Variants in NOTCH2 observed in about 807,000 individuals in gnomAD.
NOTCH2 encodes notch receptor 2, also known as neurogenic locus notch homolog protein 2.
NOTCH2 carries 29 observed loss-of-function variants against 235.8 expected under a neutral mutation model. That is an observed-to-expected ratio of 0.12 (90% CI 0.09 to 0.17). The LOEUF (loss-of-function observed/expected upper bound fraction) is 0.17, where lower values mean the gene tolerates loss of function less well. Among genes scored for constraint, NOTCH2 ranks in the 10% least tolerant of loss-of-function variants. The pLI is 1.00. For missense variants in NOTCH2, 2,285 were observed against 3,150.2 expected, an observed-to-expected ratio of 0.73 and a Z score of 6.57; for synonymous variants, 1,086 against 1,141.5, an observed-to-expected ratio of 0.95 and a Z score of 0.98.
intron 5 of NOTCH2, among the ~76,000 whole-genome samples, chr1:119,979,151 G>C (rs782630184): frequency 2.1e-4 from 32 of 152,272 alleles, no homozygotes; most frequent in South Asian, 1.4e-3. Flanking sequence ...GGACTGACCT[G>C]ACAATGAAGA....
At chr1:119,940,140 T>C (rs1373269929) in intron 19 of NOTCH2, among the ~76,000 whole-genome samples, 1 of 152,216 alleles carries the variant, frequency 6.6e-6, no homozygotes, top group Non-Finnish European at 1.5e-5. Flanking sequence ...GTTTTGAGAA[T>C]GTTACCACAT....
In NOTCH2 at chr1:120,069,472, T is replaced by C. The variant is rs1553218005; in HGVS notation, c.-66A>G. 1.3e-6 allele frequency: 2 copies of C among 1,500,922 alleles called. No homozygotes were observed. The highest frequency in any genetic ancestry group is 4.6e-5 in the Admixed American group (2 of 43,026). 93.0% of individuals were successfully genotyped at this position (1,500,922 alleles called of 1,614,324 possible). ...TGGGCAGATCCACATGGGGAGGGGG[T>C]CCCGATAGAGGAGCCCCACTCTCTC... On this transcript the variant is annotated 5_prime_UTR_variant, in exon 1 of 34. Coordinates refer to ENST00000256646, the MANE Select transcript of NOTCH2 (RefSeq NM_024408.4).
At chr1:120,037,175 C>T (rs587629797) in intron 1 of NOTCH2, among the ~76,000 whole-genome samples, 1 of 152,052 alleles carries the variant, frequency 6.6e-6, no homozygotes, top group African/African-American at 2.4e-5. Flanking sequence ...ACTGCTCAAT[C>T]GGAAGGTATT....
In NOTCH2 at chr1:119,917,618, G is replaced by T. The variant is rs375910689; in HGVS notation, c.6027+47C>A. The T allele has an allele frequency of 6.2e-4, 732 of 1,184,558 alleles. 16 individuals are homozygous for T. In the South Asian group the frequency reaches 8.6e-3, roughly 14 times the overall value. 73.4% of individuals were successfully genotyped at this position (1,184,558 alleles called of 1,614,324 possible). The stretch of plus-strand genomic sequence containing the variant: ...GAGAAACGGGAATGGGCTTATAACT[G>T]AGGCACTGCTATGAGCCTCCTCAAG... On this transcript the variant is annotated intron_variant, in intron 33 of 33. Transcript: ENST00000256646.
intron 23 of NOTCH2, among the ~76,000 whole-genome samples, chr1:119,927,506 T>C (rs915157227): frequency 2.7e-5 from 4 of 150,940 alleles, no homozygotes; most frequent in African/African-American, 9.9e-5. Context: ...ACAATAACTG[T>C]GCTCAATGTA....
chr1:119,965,877 G>C (rs1412018582), intron 9 of NOTCH2, among the ~76,000 whole-genome samples: 1 of 152,164 alleles, frequency 6.6e-6, no homozygotes, highest in Non-Finnish European at 1.5e-5. Context: ...CCTTCTCTCT[G>C]AAGATACAAT....
chr1:120,004,188 C>T (rs1652871174), intron 3 of NOTCH2, among the ~76,000 whole-genome samples: 3 of 151,812 alleles, frequency 2.0e-5, no homozygotes, highest in Middle Eastern at 3.4e-3. Context: ...ATAACATGGC[C>T]CTCAACTACA....
chr1:119,937,604 C>T (rs1649905728), intron 20 of NOTCH2, 138 bp from the exon 21 acceptor site: 3 of 856,136 alleles, frequency 3.5e-6, no homozygotes, highest in African/African-American at 1.7e-5. Flanking sequence ...ACCCTCAGTA[C>T]CAGATGCATA....
At position 119,937,942 on chromosome 1, in the gene NOTCH2, C is replaced by A; in HGVS notation, c.3252G>T (p.Glu1084Asp). ...ATCCAGATGGACATAGGCACTGGGA[C>A]TCTGCTTTTTTCTGAACGCAAGTAC... ...NKGTCVQKKAESQCLCPSGWA... is the reference protein window; with the variant it reads ...NKGTCVQKKADSQCLCPSGWA... The change falls in exon 20 of 34, where the codon GAG becomes GAT. Residue 1084 changes from glutamate to aspartate, a missense_variant. By Grantham distance (45) the Glu-to-Asp change is conservative (BLOSUM62 2). This residue lies in a region of NOTCH2 where 1,173 missense variants were observed against 1,515.3 expected (regional missense o/e 0.77). Coordinates refer to ENST00000256646, the MANE Select transcript of NOTCH2 (RefSeq NM_024408.4). 2 of 1,614,182 alleles carry A rather than the reference C, an allele frequency of 1.2e-6. No homozygotes were observed. Among genetic ancestry groups the A allele is most frequent in the South Asian group, 2.2e-5 (2 of 91,086 alleles).
chr1:119,999,691 G>A (rs1436473283), intron 3 of NOTCH2, among the ~76,000 whole-genome samples: 5 of 151,972 alleles, frequency 3.3e-5, no homozygotes, highest in Admixed American at 2.0e-4. Flanking sequence ...AGACCAGCCT[G>A]GCCAACATGG....
chr1:120,006,924 A>C (rs1553206373), intron 2 of NOTCH2, among the ~76,000 whole-genome samples: 1 of 152,204 alleles, frequency 6.6e-6, no homozygotes, highest in South Asian at 2.1e-4. Context: ...CTGAGAAAAG[A>C]AGGAAGGCCA....
At chr1:119,918,296 T>G in intron 32 of NOTCH2, 110 bp downstream of exon 32, 1 of 1,189,356 alleles carries the variant, frequency 8.4e-7, no homozygotes, top group Non-Finnish European at 1.2e-6. Flanking sequence ...TGAGTGAATC[T>G]CTCACGTATT....
chr1:120,045,845 C>A (rs1384059185), intron 1 of NOTCH2, among the ~76,000 whole-genome samples: 2 of 152,264 alleles, frequency 1.3e-5, no homozygotes, highest in Admixed American at 1.3e-4. Flanking sequence ...ACATTCTGGA[C>A]CAGTGGTCTG....
chr1:119,942,938 T>C (rs1650114266), intron 17 of NOTCH2, among the ~76,000 whole-genome samples: 2 of 148,718 alleles, frequency 1.3e-5, no homozygotes, highest in African/African-American at 2.5e-5. Context: ...AGTGGCACAA[T>C]CTTGGCTCAC....
intron 1 of NOTCH2, among the ~76,000 whole-genome samples, chr1:120,060,660 G>A (rs1553216052): frequency 6.6e-6 from 1 of 151,116 alleles, no homozygotes; most frequent in African/African-American, 2.4e-5. Flanking sequence ...AAAGGTGCCA[G>A]AGAAAATCAG....
At chr1:120,002,852 T>C (rs4262590) in intron 3 of NOTCH2, among the ~76,000 whole-genome samples, 23 of 148,930 alleles carry the variant, frequency 1.5e-4, no homozygotes, top group African/African-American at 4.9e-4. Flanking sequence ...TCCGGATGTA[T>C]GAAGAATAGT....
rs1649029247 is a variant in NOTCH2, at chr1:119,915,433, G to C, written c.7289C>G (p.Pro2430Arg). The C allele has an allele frequency of 6.2e-7, 1 of 1,614,046 alleles. No individual in the cohort carries two copies. The highest frequency in any genetic ancestry group is 1.3e-5 in the African/African-American group (1 of 74,928). The part of the protein sequence containing the change: ...ESPDQWSSSS[P>R]HSASDWSDVT... The stretch of plus-strand genomic sequence containing the variant: ...ATCTGACCAGTCAGAAGCAGAGTGG[G>C]GTGATGAACTTGACCACTGGTCAGG... Residue 2430 changes from proline (P) to arginine (R), a missense_variant, in exon 34 of 34, where the codon CCC (proline) becomes CGC (arginine). Transcript: ENST00000256646.
Position 119,915,643 on chromosome 1 carries a change from T to G in NOTCH2, c.7079A>C (p.Gln2360Pro), listed in dbSNP as rs1425238069. 6.2e-7 allele frequency: 1 copy of G among 1,613,920 alleles called. No homozygotes were observed. Among genetic ancestry groups the G allele is most frequent in the South Asian group, 1.1e-5 (1 of 91,082 alleles). ...GGTCTGAGCTACCTGCCCGTCCTGC[T>G]GGGGCATCATGGCAGTGGGGAAAGC... ...SVAFPTAMMP[Q>P]QDGQVAQTIL... is the part of the protein sequence containing the mutation. Residue 2360 changes from glutamine to proline, a missense_variant, in exon 34 of 34, where the codon CAG becomes CCG. Physicochemically the swap from Gln to Pro is moderately conservative, Grantham distance 76. This residue lies in a region of NOTCH2 where 504 missense variants were observed against 538.0 expected (regional missense o/e 0.94). Coordinates refer to ENST00000256646, the MANE Select transcript of NOTCH2 (RefSeq NM_024408.4).
chr1:119,947,403 C>T (rs1206728922), intron 17 of NOTCH2, among the ~76,000 whole-genome samples: 3 of 152,048 alleles, frequency 2.0e-5, no homozygotes, highest in Non-Finnish European at 2.9e-5. Context: ...GCAAAGCACA[C>T]GAAATGATGC....
Sources: allele counts gnomAD v4.1 joint callset (sites outside exome capture counted in the v4.1 genomes callset), GRCh38; gene constraint gnomAD v4.1.1; regional missense constraint gnomAD v4.1.1; transcripts MANE v1.5; gene names NCBI Gene and HGNC (gene_info 2026-07-23, HGNC 2026-07-21).